The following RSU1 variants were observed in gnomAD, a reference collection of about 807,000 sequenced individuals.
The protein encoded by RSU1 is rsu-1.
RSU1 carries 26 observed loss-of-function variants against 31.1 expected under a neutral mutation model. The observed-to-expected ratio is 0.84, with a 90% CI of 0.61 to 1.16. The LOEUF is 1.16. RSU1 is among the 50% of genes most tolerant of loss of function. RSU1 has a pLI of 0.00. For missense variants in RSU1, 320 were observed against 339.1 expected, an observed-to-expected ratio of 0.94 and a Z score of 0.44; for synonymous variants, 164 against 136.3, an observed-to-expected ratio of 1.20 and a Z score of -1.41.
intron 8 of RSU1, among the ~76,000 whole-genome samples, chr10:16,620,396 C>A (rs776893495): frequency 3.8e-4 from 58 of 152,102 alleles, no homozygotes; most frequent in Admixed American, 6.6e-4. Flanking sequence ...TCTGCTCTTT[C>A]ATTTACACAT....
chr10:16,732,124 G>GGAC (rs10630240), intron 7 of RSU1, among the ~76,000 whole-genome samples: 1 of 151,818 alleles, frequency 6.6e-6, no homozygotes, highest in African/African-American at 2.4e-5. Flanking sequence ...ATGAAAAGCA[G>GGAC]TTCTGATGAG....
At chr10:16,625,512 G>A (rs1442975364) in intron 8 of RSU1, among the ~76,000 whole-genome samples, 3 of 152,154 alleles carry the variant, frequency 2.0e-5, no homozygotes, top group Non-Finnish European at 2.9e-5. Context: ...GGAAACCCAC[G>A]ACACGTTTCC....
Position 16,592,216 on chromosome 10 carries a change from A to AG in RSU1, c.*1177dup, listed in dbSNP as rs1284974128. On this transcript the variant is annotated 3_prime_UTR_variant, in exon 9 of 9. Transcript: ENST00000345264. Reference sequence around the variant, plus strand: ...CCGAAAGGACACAGCAGAGAAGGGCAGGCCCCCTCTCCCAGGCCATTTGAC... The same window carrying AG: ...CCGAAAGGACACAGCAGAGAAGGGCAGGGCCCCCTCTCCCAGGCCATTTGAC... 1 of 152,236 alleles carries AG rather than the reference A, an allele frequency of 6.6e-6. No homozygotes were observed. The highest frequency in any genetic ancestry group is 2.4e-5 in the African/African-American group (1 of 41,458). The allele number at this position is 152,236 out of a possible 1,614,324, so 9.4% of individuals were successfully genotyped here.
chr10:16,615,928 A>T (rs1428135566), intron 8 of RSU1, among the ~76,000 whole-genome samples: 1 of 152,218 alleles, frequency 6.6e-6, no homozygotes, highest in Non-Finnish European at 1.5e-5. Context: ...AGCTGGAAAG[A>T]TCTGAAATCA....
chr10:16,662,423 A>G (rs1391153397), intron 8 of RSU1, among the ~76,000 whole-genome samples: 1 of 152,202 alleles, frequency 6.6e-6, no homozygotes, highest in East Asian at 1.9e-4. Context: ...AAGTTACCAT[A>G]TATTTTTGGT....
chr10:16,704,801 T>C (rs1410863033), intron 7 of RSU1, among the ~76,000 whole-genome samples: 2 of 152,220 alleles, frequency 1.3e-5, no homozygotes, highest in African/African-American at 4.8e-5. Flanking sequence ...TTTAAAAAAA[T>C]AAAATACTCT....
intron 7 of RSU1, among the ~76,000 whole-genome samples, chr10:16,752,093 TAAC>T (rs1418862032): frequency 6.6e-6 from 1 of 152,138 alleles, no homozygotes; most frequent in African/African-American, 2.4e-5. Context: ...CAAGTAGCCA[TAAC>T]AACTACTTTA....
intron 2 of RSU1, among the ~76,000 whole-genome samples, chr10:16,813,471 T>C (rs531960351): frequency 6.6e-5 from 10 of 152,334 alleles, no homozygotes; most frequent in South Asian, 2.1e-4. Context: ...AGCTGGATAT[T>C]CATATTAATA....
intron 8 of RSU1, among the ~76,000 whole-genome samples, chr10:16,679,869 GTTTT>G (rs71374699): frequency 1.6e-5 from 2 of 124,648 alleles, no homozygotes; most frequent in African/African-American, 3.2e-5. Flanking sequence ...AAAGACTCAA[GTTTT>G]TTTTTTTTTT....
intron 8 of RSU1, among the ~76,000 whole-genome samples, chr10:16,672,267 G>A (rs561842738): frequency 3.2e-4 from 49 of 151,980 alleles, no homozygotes; most frequent in Middle Eastern, 3.4e-3. Context: ...CTGAGATCAC[G>A]CCACTGCACT....
intron 8 of RSU1, among the ~76,000 whole-genome samples, chr10:16,654,212 G>A (rs919054103): frequency 6.6e-6 from 1 of 151,200 alleles, no homozygotes; most frequent in Non-Finnish European, 1.5e-5. Flanking sequence ...CATGTTGGCT[G>A]GGCTGGTCTC....
At chr10:16,691,322 A>G (rs1835544685) in intron 8 of RSU1, among the ~76,000 whole-genome samples, 2 of 150,780 alleles carry the variant, frequency 1.3e-5, no homozygotes, top group South Asian at 2.1e-4. Flanking sequence ...GAGGCCCTTA[A>G]TTTTGAAAAT....
intron 7 of RSU1, chr10:16,723,064 CAT>C (rs1186879274): frequency 3.3e-5 from 5 of 150,744 alleles, no homozygotes; most frequent in South Asian, 2.1e-4. Flanking sequence ...ACATATATAT[CAT>C]GTGATATATA....
intron 7 of RSU1, among the ~76,000 whole-genome samples, chr10:16,740,103 TTA>T (rs1161164250): frequency 6.6e-6 from 1 of 152,156 alleles, no homozygotes; most frequent in East Asian, 1.9e-4. Flanking sequence ...TTTACTCATT[TTA>T]TGAGACTCGA....
intron 7 of RSU1, among the ~76,000 whole-genome samples, chr10:16,716,537 C>T (rs2253538): frequency 0.41 from 62,421 of 151,600 alleles, 13,387 homozygotes; most frequent in East Asian, 0.69. Flanking sequence ...TGATCCCTGC[C>T]ACCTCCTTCC....
At chr10:16,663,020 T>C (rs1474242401) in intron 8 of RSU1, among the ~76,000 whole-genome samples, 1 of 151,368 alleles carries the variant, frequency 6.6e-6, no homozygotes, top group Non-Finnish European at 1.5e-5. Context: ...GAGAGCAAAT[T>C]TGCTCAGCGT....
chr10:16,767,602 A>T (rs1282295776), intron 3 of RSU1, among the ~76,000 whole-genome samples: 3 of 151,610 alleles, frequency 2.0e-5, no homozygotes, highest in Non-Finnish European at 2.9e-5. Flanking sequence ...AATATACGGA[A>T]TTTTTTTTTA....
At chr10:16,688,549 C>T (rs1835481160) in intron 8 of RSU1, among the ~76,000 whole-genome samples, 1 of 152,138 alleles carries the variant, frequency 6.6e-6, no homozygotes, top group Non-Finnish European at 1.5e-5. Context: ...GCGGAGCTTG[C>T]AGTGAGCCCA....
rs753433269 is a variant in RSU1 at position 16,750,451 on chromosome 10, T to C, written c.598+2088A>G. Among the ~76,000 whole-genome samples, 7 of 152,300 alleles carry C rather than the reference T, an allele frequency of 4.6e-5. 1 individual carries two copies. In the South Asian group the frequency reaches 1.4e-3, roughly 32 times the overall value. ...TTGTTAATGGAAAGCCTTACAGAAATGTTGAACAAATATGACCTCATGCAG... is the reference window on the plus strand; with the variant it reads ...TTGTTAATGGAAAGCCTTACAGAAACGTTGAACAAATATGACCTCATGCAG... On this transcript the variant is annotated intron_variant, in intron 7 of 8. Transcript: ENST00000345264.
Sources: gnomAD v4.1 joint callset for allele counts (sites outside exome capture counted in the v4.1 genomes callset) on GRCh38, gnomAD v4.1.1 for gene constraint, MANE v1.5 for transcripts, NCBI Gene and HGNC (gene_info 2026-07-23, HGNC 2026-07-21) for gene names.